SORCS1: variants seen among roughly 807,000 people sequenced by gnomAD.
SORCS1 encodes the protein VPS10 domain-containing receptor SorCS1.
SORCS1 carries 60 observed loss-of-function variants against 146.1 expected under a neutral mutation model. The ratio of observed to expected loss-of-function variants is 0.41; its 90% CI spans 0.33 to 0.51. The LOEUF is 0.51. SORCS1 is among the 20% of genes least tolerant of loss of function. The pLI, the probability that SORCS1 is intolerant of heterozygous loss-of-function variation, is 0.21. For synonymous variants in SORCS1, 637 were observed against 584.0 expected (o/e 1.09, Z -1.31); for missense variants, 1,352 against 1,487.6 (o/e 0.91, Z 1.50).
chr10:106,915,887 A>C (rs1952399481), intron 2 of SORCS1, among the ~76,000 whole-genome samples: 1 of 152,212 alleles, frequency 6.6e-6, no homozygotes, highest in South Asian at 2.1e-4. Flanking sequence ...CCTGGCTCCA[A>C]ATTCTCCTCC....
chr10:106,767,862 C>CA (rs1479332491), intron 4 of SORCS1, among the ~76,000 whole-genome samples: 3 of 152,200 alleles, frequency 2.0e-5, no homozygotes, highest in African/African-American at 7.2e-5. Context: ...TTTGGACAAA[C>CA]AAATACCTCT....
chr10:106,907,492 G>C (rs1443282436), intron 2 of SORCS1, among the ~76,000 whole-genome samples: 3 of 152,084 alleles, frequency 2.0e-5, no homozygotes, highest in Non-Finnish European at 4.4e-5. Context: ...AAGGTGCTAA[G>C]ATTACAGTGG....
At chr10:107,101,041 T>C (rs1447270866) in intron 1 of SORCS1, among the ~76,000 whole-genome samples, 1 of 152,050 alleles carries the variant, frequency 6.6e-6, no homozygotes, top group African/African-American at 2.4e-5. Context: ...AGTATAGGCA[T>C]GCACCACCAC....
intron 2 of SORCS1, among the ~76,000 whole-genome samples, chr10:106,891,320 A>G (rs2137892816): frequency 6.6e-6 from 1 of 152,106 alleles, no homozygotes; most frequent in South Asian, 2.1e-4. Context: ...CTGAAGAAAA[A>G]GTATTTTTAG....
At chr10:106,869,928 T>G (rs955657408) in intron 2 of SORCS1, among the ~76,000 whole-genome samples, 1 of 152,174 alleles carries the variant, frequency 6.6e-6, no homozygotes, top group Non-Finnish European at 1.5e-5. Context: ...GACATGATTC[T>G]ATACGTAGAA....
At chr10:107,120,485 G>A (rs1966334176) in intron 1 of SORCS1, among the ~76,000 whole-genome samples, 1 of 152,164 alleles carries the variant, frequency 6.6e-6, no homozygotes, top group Admixed American at 6.5e-5. Context: ...AAACAAGTAA[G>A]AGGACATCGA....
At chr10:106,864,047 C>T (rs1446884695) in intron 2 of SORCS1, among the ~76,000 whole-genome samples, 1 of 152,098 alleles carries the variant, frequency 6.6e-6, no homozygotes, top group African/African-American at 2.4e-5. Context: ...CTTCAAAACC[C>T]GCACAGTATG....
intron 23 of SORCS1, among the ~76,000 whole-genome samples, chr10:106,605,716 C>T (rs1485393114): frequency 2.0e-5 from 3 of 152,154 alleles, no homozygotes; most frequent in African/African-American, 7.2e-5. Flanking sequence ...ACCTGCTGCC[C>T]ACCCTTCACC....
intron 2 of SORCS1, among the ~76,000 whole-genome samples, chr10:106,936,503 CCA>C (rs1953728179): frequency 6.6e-6 from 1 of 152,152 alleles, no homozygotes; most frequent in Admixed American, 6.5e-5. Context: ...ATGGAACATG[CCA>C]CTAATGGAGG....
chr10:106,890,710 A>G (rs1450133250), intron 2 of SORCS1, among the ~76,000 whole-genome samples: 2 of 152,208 alleles, frequency 1.3e-5, no homozygotes, highest in African/African-American at 4.8e-5. Context: ...CTCGTGGCTT[A>G]CGATGTAGAG....
At chr10:106,806,713 C>T (rs924743464) in intron 3 of SORCS1, among the ~76,000 whole-genome samples, 4 of 151,696 alleles carry the variant, frequency 2.6e-5, no homozygotes, top group Admixed American at 6.6e-5. Context: ...GACGGGGTTT[C>T]ACCATGTTAG....
At chr10:107,137,288 G>A (rs983286278) in intron 1 of SORCS1, among the ~76,000 whole-genome samples, 3 of 152,142 alleles carry the variant, frequency 2.0e-5, no homozygotes, top group Non-Finnish European at 4.4e-5. Flanking sequence ...ATCCTACTGG[G>A]TCCCAGTCTT....
chr10:106,818,081 T>C (rs1488871447), intron 3 of SORCS1, among the ~76,000 whole-genome samples: 1 of 152,240 alleles, frequency 6.6e-6, no homozygotes, highest in East Asian at 1.9e-4. Flanking sequence ...ACCTTTATGC[T>C]TGCAGAGAAC....
intron 3 of SORCS1, among the ~76,000 whole-genome samples, chr10:106,810,666 C>G (rs977361639): frequency 8.5e-5 from 13 of 152,200 alleles, no homozygotes; most frequent in Admixed American, 6.5e-4. Context: ...CATTCTATGC[C>G]ATGAAGTAAC....
chr10:106,959,827 A>T (rs1955138199), intron 1 of SORCS1, among the ~76,000 whole-genome samples: 1 of 152,198 alleles, frequency 6.6e-6, no homozygotes. Context: ...GGAACTTTTC[A>T]ATTAAGTGAA....
chr10:106,584,386 T>C (rs544027580), intron 24 of SORCS1, among the ~76,000 whole-genome samples: 1 of 152,310 alleles, frequency 6.6e-6, no homozygotes, highest in East Asian at 1.9e-4. Flanking sequence ...AAGTAGCCAA[T>C]TGGGAGGCCA....
chr10:107,138,346 C>T (rs1019205389), intron 1 of SORCS1, among the ~76,000 whole-genome samples: 5 of 152,200 alleles, frequency 3.3e-5, no homozygotes, highest in East Asian at 1.9e-4. Flanking sequence ...ACTATCTTTG[C>T]AGATTCGTTG....
intron 20 of SORCS1, among the ~76,000 whole-genome samples, chr10:106,618,943 C>T (rs1847560602): frequency 6.6e-6 from 1 of 152,010 alleles, no homozygotes; most frequent in South Asian, 2.1e-4. Flanking sequence ...CTGCTAGGGT[C>T]CTAGAGGAAA....
chr10:107,048,921 G>A (rs1246023654), intron 1 of SORCS1, among the ~76,000 whole-genome samples: 2 of 152,050 alleles, frequency 1.3e-5, no homozygotes, highest in African/African-American at 4.8e-5. Flanking sequence ...TTTAAAAGGA[G>A]AATAGCAACA....
Sources: gnomAD v4.1 joint callset for allele counts (sites outside exome capture counted in the v4.1 genomes callset) on GRCh38, gnomAD v4.1.1 for gene constraint, MANE v1.5 for transcripts, NCBI Gene and HGNC (gene_info 2026-07-23, HGNC 2026-07-21) for gene names.